Variants in FOXP2 observed in about 807,000 individuals in gnomAD.
FOXP2 encodes the protein forkhead box P2.
Under a neutral mutation model 115.8 loss-of-function variants are expected in FOXP2, and 12 were observed. That is an observed-to-expected ratio of 0.10 (90% CI 0.07 to 0.17). The LOEUF is 0.17. Among genes scored for constraint, FOXP2 ranks in the 10% least tolerant of loss-of-function variants. The pLI is 1.00. For missense variants in FOXP2, 629 were observed against 843.5 expected, an observed-to-expected ratio of 0.75 and a Z score of 3.15; for synonymous variants, 328 against 297.7, an observed-to-expected ratio of 1.10 and a Z score of -1.05.
chr7:114,100,893 T>A (rs573349153), intron 1 of FOXP2, among the ~76,000 whole-genome samples: 2 of 152,302 alleles, frequency 1.3e-5, no homozygotes, highest in South Asian at 4.1e-4. Flanking sequence ...AATGTTATTA[T>A]CCCCATTTTA....
intron 13 of FOXP2, chr7:114,661,647 G>A (rs1366289886): frequency 4.3e-6 from 1 of 230,290 alleles, no homozygotes; most frequent in South Asian, 6.1e-5. Context: ...ATTAACACTT[G>A]TCACTGTAGC....
chr7:114,236,110 G>A (rs1795002519), intron 1 of FOXP2, among the ~76,000 whole-genome samples: 2 of 152,152 alleles, frequency 1.3e-5, no homozygotes, highest in Admixed American at 6.5e-5. Context: ...TTGAATGAGT[G>A]AATGGAATTC....
Position 114,629,790 on chromosome 7 carries a change from A to G in FOXP2, c.397-15A>G. 6.2e-7 allele frequency: 1 copy of G among 1,613,794 alleles called. No homozygotes were observed. Among genetic ancestry groups the G allele is most frequent in the Non-Finnish European group, 8.5e-7 (1 of 1,179,960 alleles). On this transcript the variant is annotated splice_polypyrimidine_tract_variant and intron_variant, in intron 4 of 16. Coordinates refer to ENST00000350908, the MANE Select transcript of FOXP2 (RefSeq NM_014491.4). Reference sequence around the variant, plus strand: ...CTTTTGCCTTTATTTATTAAAGTCAAAATGGTTTATTCAGCAACAACTACA... The same window carrying G: ...CTTTTGCCTTTATTTATTAAAGTCAGAATGGTTTATTCAGCAACAACTACA...
At chr7:114,402,624 T>C (rs1792912996) in intron 2 of FOXP2, among the ~76,000 whole-genome samples, 1 of 151,602 alleles carries the variant, frequency 6.6e-6, no homozygotes. Flanking sequence ...CAAGCAATTT[T>C]TTTTTTTTTT....
chr7:114,140,414 C>T (rs1330897135), intron 1 of FOXP2, among the ~76,000 whole-genome samples: 1 of 152,076 alleles, frequency 6.6e-6, no homozygotes, highest in Non-Finnish European at 1.5e-5. Flanking sequence ...CTTTAGGGAG[C>T]CTGACGTGCA....
In FOXP2 at chr7:114,335,572, ATGACCATT is replaced by A. The variant is rs1158246095; in HGVS notation, c.-11+47466_-11+47473del. On this transcript the variant is annotated intron_variant, in intron 2 of 17. Coordinates refer to the FOXP2 transcript ENST00000634411. ...TACATGAGATTTATCTGTGGCAAAT[ATGACCATT>A]TGCATGGAATTATTTCCGAAGAATG... Among the ~76,000 whole-genome samples, 3 of 151,940 alleles carry A rather than the reference ATGACCATT, an allele frequency of 2.0e-5. No homozygotes were observed. In the East Asian group the frequency reaches 5.8e-4, roughly 29 times the overall value.
At chr7:114,501,202 A>G (rs1483735490) in intron 2 of FOXP2, among the ~76,000 whole-genome samples, 4 of 152,208 alleles carry the variant, frequency 2.6e-5, no homozygotes, top group Non-Finnish European at 5.9e-5. Context: ...CATCAATTTA[A>G]ACATCATCCA....
At chr7:114,640,607 G>A (rs897545767) in intron 6 of FOXP2, among the ~76,000 whole-genome samples, 2 of 152,090 alleles carry the variant, frequency 1.3e-5, no homozygotes, top group African/African-American at 4.8e-5. Flanking sequence ...GCAGGGATTG[G>A]GGTGAGAGAG....
chr7:114,262,761 G>A (rs1297644579), intron 1 of FOXP2, among the ~76,000 whole-genome samples: 2 of 152,122 alleles, frequency 1.3e-5, no homozygotes, highest in Non-Finnish European at 2.9e-5. Context: ...CCCACCTGAG[G>A]AATTTATTTG....
intron 2 of FOXP2, among the ~76,000 whole-genome samples, chr7:114,529,482 CTTA>C (rs1799034461): frequency 6.6e-6 from 1 of 151,724 alleles, no homozygotes; most frequent in Non-Finnish European, 1.5e-5. Flanking sequence ...TTAAAGTACT[CTTA>C]TTATAGTGTA....
intron 2 of FOXP2, among the ~76,000 whole-genome samples, chr7:114,339,093 T>A (rs1195044097): frequency 6.6e-6 from 1 of 151,148 alleles, no homozygotes; most frequent in African/African-American, 2.4e-5. Flanking sequence ...GAGACTGAGA[T>A]GAAAGGCAAG....
upstream of FOXP2, among the ~76,000 whole-genome samples, chr7:114,161,938 A>G (rs1792849621): frequency 6.6e-6 from 1 of 151,972 alleles, no homozygotes; most frequent in Admixed American, 6.6e-5. Flanking sequence ...GCATTTCACC[A>G]TGCCTGGCTA....
At chr7:114,611,086 T>C (rs1392355399) in intron 3 of FOXP2, among the ~76,000 whole-genome samples, 3 of 152,220 alleles carry the variant, frequency 2.0e-5, no homozygotes, top group African/African-American at 7.2e-5. Context: ...TAGTAAGTTA[T>C]TCAGGAGTAA....
intron 2 of FOXP2, among the ~76,000 whole-genome samples, chr7:114,393,824 A>G (rs1438910043): frequency 6.6e-6 from 1 of 152,200 alleles, no homozygotes; most frequent in Admixed American, 6.5e-5. Context: ...CAAATTTCTC[A>G]TTGTTCAAGG....
chr7:114,293,604 C>T (rs1346405570), intron 2 of FOXP2, among the ~76,000 whole-genome samples: 1 of 152,132 alleles, frequency 6.6e-6, no homozygotes, highest in Non-Finnish European at 1.5e-5. Flanking sequence ...TGGGAGGGAC[C>T]AGGTGGAGAT....
chr7:114,629,456 G>C (rs1804769650), intron 4 of FOXP2: 2 of 738,926 alleles, frequency 2.7e-6, no homozygotes, highest in Non-Finnish European at 4.4e-6. Context: ...ATTTTATGTA[G>C]CTAAATTTTT....
At chr7:114,488,113 G>C (rs926614191) in intron 2 of FOXP2, among the ~76,000 whole-genome samples, 1 of 152,082 alleles carries the variant, frequency 6.6e-6, no homozygotes, top group Non-Finnish European at 1.5e-5. Context: ...TCACAATTAC[G>C]GTGGAAGGCA....
intron 3 of FOXP2, among the ~76,000 whole-genome samples, chr7:114,571,424 C>G (rs1801295871): frequency 6.6e-6 from 1 of 151,848 alleles, no homozygotes; most frequent in Non-Finnish European, 1.5e-5. Context: ...CCTCAAGTCT[C>G]CATTCAAGAA....
intron 10 of FOXP2, 77 bp from the exon 11 acceptor site, chr7:114,657,989 C>T (rs755420500): frequency 2.6e-6 from 4 of 1,519,964 alleles, no homozygotes; most frequent in African/African-American, 1.4e-5. Context: ...AGTGAATCCA[C>T]TCTCATTTGT....
Sources: allele counts gnomAD v4.1 joint callset (sites outside exome capture counted in the v4.1 genomes callset), GRCh38; gene constraint gnomAD v4.1.1; transcripts MANE v1.5; gene names NCBI Gene and HGNC (gene_info 2026-07-23, HGNC 2026-07-21).